HIPK2: variants seen among roughly 807,000 people sequenced by gnomAD.
The protein encoded by HIPK2 is homeodomain interacting protein kinase 2.
A neutral mutation model predicts 113.7 loss-of-function variants in HIPK2; 27 were observed. The observed-to-expected ratio is 0.24, with a 90% CI of 0.17 to 0.33. HIPK2 has a LOEUF of 0.33. HIPK2 is among the 10% of genes least tolerant of loss of function. The pLI, the probability that HIPK2 is intolerant of heterozygous loss-of-function variation, is 1.00. For missense variants in HIPK2, 1,257 were observed against 1,588.0 expected, an observed-to-expected ratio of 0.79 and a Z score of 3.54; for synonymous variants, 631 against 642.2, an observed-to-expected ratio of 0.98 and a Z score of 0.26.
At chr7:139,743,451 G>A (rs1176674370) in intron 1 of HIPK2, among the ~76,000 whole-genome samples, 1 of 152,190 alleles carries the variant, frequency 6.6e-6, no homozygotes, top group East Asian at 1.9e-4. Flanking sequence ...GCTCATCTTG[G>A]CAGTGGCAGT....
chr7:139,637,087 G>A, intron 2 of HIPK2, among the ~76,000 whole-genome samples: 1 of 152,208 alleles, frequency 6.6e-6, no homozygotes, highest in East Asian at 1.9e-4. Context: ...AACATGGCCA[G>A]CTCCAAAGTC....
chr7:139,574,469 G>A (rs1199190764), intron 14 of HIPK2, among the ~76,000 whole-genome samples: 1 of 152,212 alleles, frequency 6.6e-6, no homozygotes, highest in Admixed American at 6.5e-5. Flanking sequence ...CCTAAGTCAC[G>A]TGACAGAGAC....
intron 2 of HIPK2, among the ~76,000 whole-genome samples, chr7:139,666,248 A>G (rs1802045936): frequency 6.6e-6 from 1 of 152,128 alleles, no homozygotes. Context: ...AAAAAAAATC[A>G]CAGTTTAAAA....
chr7:139,772,258 A>G (rs944591837), intron 1 of HIPK2, among the ~76,000 whole-genome samples: 1 of 152,220 alleles, frequency 6.6e-6, no homozygotes, highest in African/African-American at 2.4e-5. Flanking sequence ...CTGGAATACA[A>G]GGTCTCAGCC....
intron 1 of HIPK2, among the ~76,000 whole-genome samples, chr7:139,719,468 TCC>T (rs1419079505): frequency 6.6e-6 from 1 of 152,122 alleles, no homozygotes; most frequent in East Asian, 1.9e-4. Flanking sequence ...GCAGCTATCA[TCC>T]ATTCAAGCAG....
Position 139,729,324 on chromosome 7 carries a change from T to TGAGAGAGAGAGAGA in HIPK2, c.20-12323_20-12310dup, listed in dbSNP as rs71170912. On this transcript the variant is annotated intron_variant, in intron 1 of 14. Coordinates refer to ENST00000406875, the MANE Select transcript of HIPK2 (RefSeq NM_022740.5). The stretch of plus-strand genomic sequence containing the variant: ...TGGGTGACAGAGTAGACCCTGTCTC[T>TGAGAGAGAGAGAGA]GAGAGAGAGAGAGAGAGAGAGAGAG... 4.5e-4 allele frequency among the ~76,000 whole-genome samples: 31 copies of TGAGAGAGAGAGAGA among 69,196 alleles called. 2 individuals carry two copies. The highest frequency in any genetic ancestry group is 3.3e-3 in the East Asian group (7 of 2,110). The allele number at this position is 69,196 out of a possible 152,430, so 45.4% of individuals were successfully genotyped here.
intron 1 of HIPK2, among the ~76,000 whole-genome samples, chr7:139,751,533 T>TGGAGGGAG (rs6150368): frequency 1.6e-4 from 16 of 97,588 alleles, no homozygotes; most frequent in East Asian, 1.0e-3. Context: ...ATGAATGATT[T>TGGAGGGAG]GGAGGGAGGG....
intron 1 of HIPK2, among the ~76,000 whole-genome samples, chr7:139,746,315 C>T (rs576747156): frequency 7.2e-5 from 11 of 152,292 alleles, no homozygotes; most frequent in African/African-American, 2.6e-4. Context: ...CAAGACCATC[C>T]TTCAAACCCC....
chr7:139,703,660 C>A (rs1038822129), intron 2 of HIPK2, among the ~76,000 whole-genome samples: 11 of 151,664 alleles, frequency 7.3e-5, no homozygotes, highest in African/African-American at 2.7e-4. Flanking sequence ...GATACACACA[C>A]AGCAGCACAT....
At chr7:139,704,785 A>G (rs1264756974) in intron 2 of HIPK2, among the ~76,000 whole-genome samples, 1 of 152,148 alleles carries the variant, frequency 6.6e-6, no homozygotes, top group Non-Finnish European at 1.5e-5. Flanking sequence ...CAAGGCCTCC[A>G]GCGCCCCGTC....
At chr7:139,614,551 G>C in intron 7 of HIPK2, 58 bp from the exon 8 acceptor site, 854 of 823,470 alleles carry the variant, frequency 1.0e-3, no homozygotes, top group Non-Finnish European at 1.3e-3. Flanking sequence ...GAGGGAGGTG[G>C]CATGTTGGGA....
intron 2 of HIPK2, among the ~76,000 whole-genome samples, chr7:139,699,927 G>C (rs1585393418): frequency 6.6e-6 from 1 of 152,214 alleles, no homozygotes; most frequent in African/African-American, 2.4e-5. Context: ...CTTTGTCTGG[G>C]GCACTGAATC....
rs1263198388 is a variant in HIPK2 at position 139,717,075 on chromosome 7, A to G, written c.20-60T>C. ...AGTCACCTTGGTACAAGTAAACTCA[A>G]CAGATCCCCTTCAGTTCTCATCTGT... On this transcript the variant is annotated intron_variant, in intron 1 of 14. Coordinates refer to ENST00000406875, the MANE Select transcript of HIPK2 (RefSeq NM_022740.5). 4.5e-6 allele frequency: 7 copies of G among 1,541,120 alleles called. No homozygotes were observed. The African/African-American group carries it at 8.2e-5, about 18-fold the overall frequency.
chr7:139,600,324 T>G, intron 11 of HIPK2, 93 bp downstream of exon 11: 1 of 1,403,916 alleles, frequency 7.1e-7, no homozygotes, highest in Non-Finnish European at 9.7e-7. Flanking sequence ...CTGTCCCATG[T>G]TCAGAGTGGG....
chr7:139,686,119 G>T (rs1794209309), intron 2 of HIPK2, among the ~76,000 whole-genome samples: 1 of 152,194 alleles, frequency 6.6e-6, no homozygotes, highest in Non-Finnish European at 1.5e-5. Flanking sequence ...AACATTAATA[G>T]GAGTTTGGAA....
chr7:139,749,645 T>A (rs976760189), intron 1 of HIPK2, among the ~76,000 whole-genome samples: 4 of 152,190 alleles, frequency 2.6e-5, no homozygotes, highest in African/African-American at 7.2e-5. Context: ...GCCGCTATTA[T>A]CCTCGTTTGC....
chr7:139,592,455 G>A (rs1585247947), intron 12 of HIPK2, among the ~76,000 whole-genome samples: 3 of 152,230 alleles, frequency 2.0e-5, no homozygotes, highest in South Asian at 2.1e-4. Context: ...AATTACTCTC[G>A]GCCAGGCATG....
chr7:139,716,714 G>A lies in HIPK2; in HGVS notation c.321C>T (p.Val107=), dbSNP rs1299161131. The A allele has an allele frequency of 1.2e-6, 2 of 1,613,954 alleles. No homozygotes were observed. Among genetic ancestry groups the A allele is most frequent in the Non-Finnish European group, 1.7e-6 (2 of 1,179,880 alleles). ...SASSTSVTGQ[V]LGGPHNLMRR... is the part of the protein sequence containing the mutation. Reference sequence around the variant, plus strand: ...GCATTAGGTTGTGTGGTCCGCCGAGGACTTGCCCGGTGACAGAAGTGCTGC... The same window carrying A: ...GCATTAGGTTGTGTGGTCCGCCGAGAACTTGCCCGGTGACAGAAGTGCTGC... The change falls in exon 2 of 15, where the codon GTC becomes GTT. Residue 107 remains valine, a synonymous_variant. Transcript: ENST00000406875. The surrounding 1 kb of genome is among the most constrained non-coding windows in gnomAD (Gnocchi z 9.3).
intron 1 of HIPK2, among the ~76,000 whole-genome samples, chr7:139,734,190 A>G (rs1046826314): frequency 6.6e-6 from 1 of 152,222 alleles, no homozygotes; most frequent in Non-Finnish European, 1.5e-5. Flanking sequence ...CCTTTCTTCC[A>G]TGTTTTAGCA....
Sources: gnomAD v4.1 joint callset for allele counts (sites outside exome capture counted in the v4.1 genomes callset) on GRCh38, gnomAD v4.1.1 for gene constraint, Gnocchi (gnomAD v3.1) non-coding constraint, MANE v1.5 for transcripts, NCBI Gene and HGNC (gene_info 2026-07-23, HGNC 2026-07-21) for gene names.